Variants in UBAP2 observed in about 807,000 individuals in gnomAD.
The protein encoded by UBAP2 is ubiquitin associated protein 2, also known as ubiquitin-associated protein 2.
In UBAP2, 75 loss-of-function variants were observed where a neutral mutation model predicts 139.6. The observed-to-expected ratio is 0.54, with a 90% CI of 0.45 to 0.65. The LOEUF (loss-of-function observed/expected upper bound fraction) is 0.65, where lower values mean the gene tolerates loss of function less well. Ranked by LOEUF, UBAP2 falls within the 30% of genes least tolerant of loss-of-function variation. The pLI, the probability that UBAP2 is intolerant of heterozygous loss-of-function variation, is 0.00. For synonymous variants in UBAP2, 526 were observed against 526.2 expected, an observed-to-expected ratio of 1.00 and a Z score of 0.01; for missense variants, 1,368 against 1,369.6, an observed-to-expected ratio of 1.00 and a Z score of 0.02.
rs540941589 is a variant in UBAP2 at position 34,020,809 on chromosome 9, G to A, written c.-41-3620C>T. Among the ~76,000 whole-genome samples, 13 of 151,132 alleles carry A rather than the reference G, an allele frequency of 8.6e-5. No homozygotes were observed. The South Asian group carries it at 2.6e-3, about 30-fold the overall frequency. ...TGAGTAGCTGGGACTACAGGCACCC[G>A]CCACCAAGCCCAGCTAATTTTTTTG... On this transcript the variant is annotated intron_variant, in intron 1 of 28. Transcript: ENST00000379238.
At chr9:33,966,427 G>A in intron 8 of UBAP2, among the ~76,000 whole-genome samples, 1 of 151,986 alleles carries the variant, frequency 6.6e-6, no homozygotes, top group East Asian at 1.9e-4. Flanking sequence ...CTGCACTCCA[G>A]CCTGTGTGAC....
intron 1 of UBAP2, among the ~76,000 whole-genome samples, chr9:34,039,811 C>T (rs1826875697): frequency 6.8e-6 from 1 of 146,104 alleles, no homozygotes; most frequent in African/African-American, 2.6e-5. Flanking sequence ...CCAAATCCCC[C>T]TCTGCGAGAA....
At position 34,034,783 on chromosome 9, in the gene UBAP2, G is replaced by T. The variant is rs147786167; in HGVS notation, c.-42+14042C>A. On this transcript the variant is annotated intron_variant, in intron 1 of 28. Coordinates refer to ENST00000379238, the MANE Select transcript of UBAP2 (RefSeq NM_001370062.2). ...AGCTACTGGAGAGGCTGAGGGAGGA[G>T]AATTGCTTCAACCTGGGAGGCGGAG... 5.8e-3 allele frequency among the ~76,000 whole-genome samples: 886 copies of T among 152,084 alleles called. 6 individuals are homozygous for T. Among genetic ancestry groups the T allele is most frequent in the African/African-American group, 0.02 (838 of 41,488 alleles).
At chr9:33,933,849 G>A (rs1014522280) in intron 17 of UBAP2, among the ~76,000 whole-genome samples, 1 of 152,178 alleles carries the variant, frequency 6.6e-6, no homozygotes, top group African/African-American at 2.4e-5. Flanking sequence ...TGTTCAAGAT[G>A]CAGCAAAGAA....
intron 11 of UBAP2, among the ~76,000 whole-genome samples, chr9:33,955,414 G>A (rs1287570620): frequency 1.3e-5 from 2 of 150,100 alleles, no homozygotes; most frequent in Non-Finnish European, 3.0e-5. Context: ...AGCTACTTGG[G>A]AGGCTGAGGC....
intron 23 of UBAP2, 35 bp from the exon 24 acceptor site, chr9:33,924,035 C>T (rs754531113): frequency 4.7e-5 from 76 of 1,610,646 alleles, no homozygotes; most frequent in Middle Eastern, 2.0e-4. Context: ...CACTGCCCTT[C>T]CTCCAACCAG....
chr9:34,019,853 GAACA>G (rs1824753678), intron 1 of UBAP2, among the ~76,000 whole-genome samples: 3 of 151,598 alleles, frequency 2.0e-5, no homozygotes. Context: ...GAAGCTCCTA[GAACA>G]AACAAAACAA....
intron 6 of UBAP2, among the ~76,000 whole-genome samples, chr9:33,984,250 T>C (rs1821010486): frequency 6.6e-6 from 1 of 152,158 alleles, no homozygotes; most frequent in African/African-American, 2.4e-5. Context: ...AGCCTCAGCA[T>C]TAAGGAAGTA....
chr9:33,958,552 T>C (rs1826758466), intron 10 of UBAP2, among the ~76,000 whole-genome samples: 1 of 151,668 alleles, frequency 6.6e-6, no homozygotes, highest in South Asian at 2.1e-4. Flanking sequence ...GAATTACAGG[T>C]GCCCACCATC....
At chr9:33,976,137 A>G (rs930692054) in intron 6 of UBAP2, among the ~76,000 whole-genome samples, 2 of 152,226 alleles carry the variant, frequency 1.3e-5, no homozygotes, top group Admixed American at 1.3e-4. Context: ...CAAGAATGTT[A>G]AGAAATTCAG....
chr9:33,960,913 A>G (rs1564031823), intron 9 of UBAP2, 35 bp from the exon 10 acceptor site: 1 of 1,604,458 alleles, frequency 6.2e-7, no homozygotes, highest in South Asian at 1.1e-5. Context: ...AGTTTATACC[A>G]CAAAGTCAAA....
chr9:33,941,668 G>A lies in UBAP2; in HGVS notation c.1910C>T (p.Ser637Leu), dbSNP rs552066686. 118 of 1,614,114 alleles carry A rather than the reference G, an allele frequency of 7.3e-5. 1 individual carries two copies. In the South Asian group the frequency reaches 1.1e-3, roughly 15 times the overall value. ...PYQSPVSSSESAPGTIMNGHG... is the reference protein window; with the variant it reads ...PYQSPVSSSELAPGTIMNGHG... ...ACTTACCATGATGGTTCCTGGAGCT[G>A]ACTCTGATGAACTCACAGGGCTTTG... Residue 637 changes from serine to leucine, a missense_variant, in exon 16 of 29, where the codon TCA becomes TTA. Coordinates refer to ENST00000379238, the MANE Select transcript of UBAP2 (RefSeq NM_001370062.2).
At chr9:33,952,042 A>G (rs1427612879) in intron 12 of UBAP2, among the ~76,000 whole-genome samples, 1 of 152,242 alleles carries the variant, frequency 6.6e-6, no homozygotes, top group Non-Finnish European at 1.5e-5. Context: ...TGATATGGCT[A>G]CACAGAGTAG....
intron 1 of UBAP2, among the ~76,000 whole-genome samples, chr9:34,017,626 C>A (rs551196674): frequency 6.6e-6 from 1 of 152,040 alleles, no homozygotes; most frequent in Non-Finnish European, 1.5e-5. Context: ...AATAATAAAT[C>A]TTAAAGAAAC....
intron 1 of UBAP2, among the ~76,000 whole-genome samples, chr9:34,029,237 T>A (rs57755725): frequency 0.13 from 19,345 of 151,760 alleles, 1,567 homozygotes; most frequent in African/African-American, 0.22. Context: ...CCTAAAAATG[T>A]GTACATAGGG....
intron 11 of UBAP2, among the ~76,000 whole-genome samples, chr9:33,955,082 A>C (rs759462456): frequency 2.0e-5 from 3 of 152,172 alleles, no homozygotes; most frequent in Non-Finnish European, 4.4e-5. Flanking sequence ...TAAAACTAGT[A>C]GAACTCAAAT....
At chr9:33,965,146 T>TAAAACAGAAAATTTA (rs1199208081) in intron 8 of UBAP2, among the ~76,000 whole-genome samples, 8 of 152,228 alleles carry the variant, frequency 5.3e-5, no homozygotes, top group African/African-American at 1.9e-4. Flanking sequence ...GTCTCCGTGT[T>TAAAACAGAAAATTTA]AAAACAGAAA....
intron 4 of UBAP2, among the ~76,000 whole-genome samples, chr9:33,992,452 C>T: frequency 6.6e-6 from 1 of 150,670 alleles, no homozygotes; most frequent in Non-Finnish European, 1.5e-5. Context: ...CCCAGCTACT[C>T]AGAAGGCTGA....
In UBAP2 at chr9:33,948,408, G is replaced by A. The variant is rs766033788; in HGVS notation, c.1236C>T (p.Pro412=). Residue 412 remains proline (P), a synonymous_variant, in exon 13 of 29, where the codon CCC becomes CCT. Coordinates refer to ENST00000379238, the MANE Select transcript of UBAP2 (RefSeq NM_001370062.2). ...TGAGGACTGAGGACTGGGATGTTGGGGGCTTGAGGTCCCAAGAAGTAGTAG... is the reference window on the plus strand; with the variant it reads ...TGAGGACTGAGGACTGGGATGTTGGAGGCTTGAGGTCCCAAGAAGTAGTAG... The part of the protein sequence containing the change: ...PTTTTSWDLK[P]PTSQSSVLSH... 11 of 1,613,276 alleles carry A rather than the reference G, an allele frequency of 6.8e-6. No homozygotes were observed. Among genetic ancestry groups the A allele is most frequent in the Admixed American group, 5.0e-5 (3 of 59,980 alleles).
Sources: gnomAD v4.1 joint callset for allele counts (sites outside exome capture counted in the v4.1 genomes callset) on GRCh38, gnomAD v4.1.1 for gene constraint, MANE v1.5 for transcripts, NCBI Gene and HGNC (gene_info 2026-07-23, HGNC 2026-07-21) for gene names.